Variants in FRMD4A observed in about 807,000 individuals in gnomAD.
FRMD4A encodes FERM domain-containing protein 4A.
A neutral mutation model predicts 129.1 loss-of-function variants in FRMD4A; 29 were observed. The observed-to-expected ratio is 0.22, with a 90% CI of 0.17 to 0.31. The LOEUF (loss-of-function observed/expected upper bound fraction) is 0.31, where lower values mean the gene tolerates loss of function less well. Among genes scored for constraint, FRMD4A ranks in the 10% least tolerant of loss-of-function variants. The pLI is 1.00. For synonymous variants in FRMD4A, 634 were observed against 571.6 expected, an observed-to-expected ratio of 1.11 and a Z score of -1.56; for missense variants, 1,272 against 1,375.8, an observed-to-expected ratio of 0.92 and a Z score of 1.19.
At chr10:13,713,487 A>G (rs2088250371) in intron 12 of FRMD4A, among the ~76,000 whole-genome samples, 1 of 152,130 alleles carries the variant, frequency 6.6e-6, no homozygotes. Context: ...TCACTTCCTT[A>G]TTTCATTTCT....
chr10:13,831,953 A>G lies in FRMD4A; in HGVS notation c.112-21045T>C, dbSNP rs1297374982. On this transcript the variant is annotated intron_variant, in intron 3 of 24. Coordinates refer to ENST00000357447, the MANE Select transcript of FRMD4A (RefSeq NM_018027.5). ...CTCAGGGCTTTTTTAGCCAAACAACAGCAATCTCCTGCTGGCACGTAATCT... is the reference window on the plus strand; with the variant it reads ...CTCAGGGCTTTTTTAGCCAAACAACGGCAATCTCCTGCTGGCACGTAATCT... Among the ~76,000 whole-genome samples, 3 of 152,140 alleles carry G rather than the reference A, an allele frequency of 2.0e-5. No individual in the cohort carries two copies. In the East Asian group the frequency reaches 5.8e-4, roughly 29 times the overall value.
intron 2 of FRMD4A, among the ~76,000 whole-genome samples, chr10:14,039,407 C>CATCCATCCATCCATCTATCT (rs1285305420): frequency 1.0e-4 from 15 of 147,808 alleles, no homozygotes; most frequent in African/African-American, 3.9e-4. Flanking sequence ...TCCATCCATC[C>CATCCATCCATCCATCTATCT]ATCTATCTAT....
At chr10:13,972,090 A>C in intron 2 of FRMD4A, 2 of 1,113,050 alleles carry the variant, frequency 1.8e-6, no homozygotes, top group Admixed American at 4.0e-5. Context: ...GTAAAAATAA[A>C]CCTCAGTGTG....
chr10:14,161,084 C>G (rs1214530965), intron 2 of FRMD4A, among the ~76,000 whole-genome samples: 1 of 152,090 alleles, frequency 6.6e-6, no homozygotes, highest in Non-Finnish European at 1.5e-5. Flanking sequence ...CCCCCCGAGT[C>G]GCTGGGATTA....
At chr10:14,166,185 TTTAA>T (rs1252575975) in intron 2 of FRMD4A, among the ~76,000 whole-genome samples, 2 of 150,448 alleles carry the variant, frequency 1.3e-5, no homozygotes, top group African/African-American at 4.9e-5. Flanking sequence ...TATTAACATG[TTTAA>T]TAAATATATG....
At chr10:13,918,957 T>C (rs1000454641) in intron 2 of FRMD4A, among the ~76,000 whole-genome samples, 1 of 152,232 alleles carries the variant, frequency 6.6e-6, no homozygotes, top group African/African-American at 2.4e-5. Context: ...CTATCTGATG[T>C]CTTCACAGCT....
Position 13,688,479 on chromosome 10 carries a change from G to T in FRMD4A, c.1117+5419C>A, listed in dbSNP as rs148567789. On this transcript the variant is annotated intron_variant, in intron 15 of 24. Transcript: ENST00000357447. Reference sequence around the variant, plus strand: ...TTAATCGGTGCAGCACACCAACATGGCACATGTATACGTGTGTAACAAACC... The same window carrying T: ...TTAATCGGTGCAGCACACCAACATGTCACATGTATACGTGTGTAACAAACC... Among the ~76,000 whole-genome samples, 549 of 152,040 alleles carry T rather than the reference G, an allele frequency of 3.6e-3. 3 individuals are homozygous for T. Among genetic ancestry groups the T allele is most frequent in the Middle Eastern group, 6.8e-3 (2 of 294 alleles).
chr10:14,299,208 C>T (rs542324791), intron 2 of FRMD4A, among the ~76,000 whole-genome samples: 3 of 152,288 alleles, frequency 2.0e-5, no homozygotes, highest in Admixed American at 6.5e-5. Flanking sequence ...TGGAAAACTT[C>T]TTGTCAAAGT....
chr10:14,168,940 C>T lies in FRMD4A; in HGVS notation c.45+161118G>A, dbSNP rs780089479. The stretch of plus-strand genomic sequence containing the variant: ...GTCCTGTAGCCCTCAACAGTCTTCC[C>T]GTAATTCACAGATGCCTTGAAGGGG... On this transcript the variant is annotated intron_variant, in intron 2 of 24. Transcript: ENST00000357447. Among the ~76,000 whole-genome samples the T allele has an allele frequency of 7.2e-5, 10 of 138,996 alleles. No homozygotes were observed. The South Asian group carries it at 7.6e-4, about 11-fold the overall frequency. The allele number at this position is 138,996 out of a possible 152,430, so 91.2% of individuals were successfully genotyped here.
chr10:14,207,738 G>A (rs1455695905), intron 2 of FRMD4A, among the ~76,000 whole-genome samples: 1 of 151,474 alleles, frequency 6.6e-6, no homozygotes, highest in Non-Finnish European at 1.5e-5. Flanking sequence ...GGAGAAGGAA[G>A]ATTAGGAAGC....
At chr10:13,846,467 G>T (rs975987425) in intron 3 of FRMD4A, among the ~76,000 whole-genome samples, 10 of 152,206 alleles carry the variant, frequency 6.6e-5, no homozygotes, top group African/African-American at 2.4e-4. Context: ...ATGGGGTTCA[G>T]ACCTTCTCCA....
chr10:13,974,525 G>A (rs1319021791), intron 2 of FRMD4A, among the ~76,000 whole-genome samples: 2 of 151,488 alleles, frequency 1.3e-5, no homozygotes, highest in South Asian at 4.2e-4. Flanking sequence ...AGCCTTGACT[G>A]ATTGATTGAT....
chr10:13,671,932 G>A lies in FRMD4A; in HGVS notation c.1252-1404C>T, dbSNP rs576186693. Among the ~76,000 whole-genome samples the A allele has an allele frequency of 5.3e-5, 8 of 152,358 alleles. No individual in the cohort carries two copies. In the East Asian group the frequency reaches 1.5e-3, roughly 29 times the overall value. On this transcript the variant is annotated intron_variant, in intron 16 of 24. Transcript: ENST00000357447. ...AAGGAAGTTCAGGAGGCTTTTCTCAGGAATATCCATCATCTACACAGAAAG... is the reference window on the plus strand; with the variant it reads ...AAGGAAGTTCAGGAGGCTTTTCTCAAGAATATCCATCATCTACACAGAAAG...
rs114392178 is a variant in FRMD4A, at chr10:13,654,305, G to A, written c.3050+111C>T. ...TCTCTTGAAAGGAAGACACCTCCCA[G>A]TGATGAACCCTCATCATCCATTTAC... On this transcript the variant is annotated intron_variant, in intron 23 of 24. Coordinates refer to ENST00000357447, the MANE Select transcript of FRMD4A (RefSeq NM_018027.5). 1,410 of 788,616 alleles carry A rather than the reference G, an allele frequency of 1.8e-3. 17 individuals carry two copies. In the African/African-American group the frequency reaches 0.021, roughly 12 times the overall value. 48.9% of individuals were successfully genotyped at this position (788,616 alleles called of 1,614,324 possible). A position where few individuals can be genotyped will look rare whatever the true frequency, so the allele number is the denominator to read the frequency against.
chr10:13,884,602 C>T (rs1031948900), intron 2 of FRMD4A, among the ~76,000 whole-genome samples: 4 of 152,168 alleles, frequency 2.6e-5, no homozygotes, highest in Non-Finnish European at 5.9e-5. Flanking sequence ...GTCTTTTCTT[C>T]CTTCCCTTCC....
intron 2 of FRMD4A, among the ~76,000 whole-genome samples, chr10:14,293,533 G>T (rs1051400973): frequency 7.3e-5 from 11 of 151,598 alleles, no homozygotes; most frequent in African/African-American, 2.7e-4. Context: ...TGATAATCAG[G>T]CAAATAACAA....
intron 12 of FRMD4A, 100 bp downstream of exon 12, chr10:13,737,744 G>A: frequency 1.5e-6 from 1 of 687,026 alleles, no homozygotes. Flanking sequence ...AGATTGGTGA[G>A]CCTTTAGGCT....
intron 2 of FRMD4A, among the ~76,000 whole-genome samples, chr10:14,078,962 T>A (rs1835770092): frequency 1.3e-5 from 2 of 152,186 alleles, no homozygotes; most frequent in African/African-American, 2.4e-5. Context: ...GGACTAACCC[T>A]AGGTCTTGAA....
chr10:13,934,939 G>A lies in FRMD4A; in HGVS notation c.46-76027C>T, dbSNP rs139478341. Among the ~76,000 whole-genome samples the A allele has an allele frequency of 2.0e-5, 3 of 152,236 alleles. No homozygotes were observed. In the East Asian group the frequency reaches 5.8e-4, roughly 29 times the overall value. On this transcript the variant is annotated intron_variant, in intron 2 of 24. Coordinates refer to ENST00000357447, the MANE Select transcript of FRMD4A (RefSeq NM_018027.5). Reference sequence around the variant, plus strand: ...TGCTGGTAGCTTTGGCGTCAGGTGAGGCCTCTGTCTGCTTCATAAATGGCA... The same window carrying A: ...TGCTGGTAGCTTTGGCGTCAGGTGAAGCCTCTGTCTGCTTCATAAATGGCA...
Sources: allele counts gnomAD v4.1 joint callset (sites outside exome capture counted in the v4.1 genomes callset), GRCh38; gene constraint gnomAD v4.1.1; transcripts MANE v1.5; gene names NCBI Gene and HGNC (gene_info 2026-07-23, HGNC 2026-07-21).